Variants in CLPX observed in about 807,000 individuals in gnomAD.
CLPX encodes caseinolytic mitochondrial matrix peptidase chaperone subunit X.
Under a neutral mutation model 76.4 loss-of-function variants are expected in CLPX, and 34 were observed. The ratio of observed to expected loss-of-function variants is 0.45; its 90% CI spans 0.34 to 0.59. CLPX has a LOEUF of 0.59. CLPX is among the 20% of genes least tolerant of loss of function. CLPX has a pLI of 0.01. For missense variants in CLPX, 613 were observed against 757.0 expected, an observed-to-expected ratio of 0.81 and a Z score of 2.23; for synonymous variants, 248 against 270.9, an observed-to-expected ratio of 0.92 and a Z score of 0.83.
chr15:65,183,552 GAAGGAAGGA>G (rs943679667), intron 1 of CLPX, among the ~76,000 whole-genome samples: 2 of 150,452 alleles, frequency 1.3e-5, no homozygotes, highest in African/African-American at 2.5e-5. Context: ...AGAAAGACAG[GAAGGAAGGA>G]AAGGAAGGAA....
chr15:65,157,404 G>A (rs2087803749), intron 8 of CLPX, among the ~76,000 whole-genome samples: 1 of 152,176 alleles, frequency 6.6e-6, no homozygotes, highest in Non-Finnish European at 1.5e-5. Context: ...ACTGTTTCTA[G>A]AGTCATCTGG....
rs757598939 is a variant in CLPX, at chr15:65,155,097, T to A, written c.1312-16A>T. The A allele has an allele frequency of 6.2e-7, 1 of 1,601,830 alleles. No individual in the cohort carries two copies. The highest frequency in any genetic ancestry group is 1.1e-5 in the South Asian group (1 of 90,614). On this transcript the variant is annotated splice_polypyrimidine_tract_variant and intron_variant, in intron 10 of 13. Transcript: ENST00000300107. ...ATCCAAGATACTGCCAAAGAAATGA[T>A]GCATATTTATAATTAGTAGAATCAA...
intron 6 of CLPX, among the ~76,000 whole-genome samples, chr15:65,162,202 G>T (rs2087863286): frequency 6.6e-6 from 1 of 151,936 alleles, no homozygotes; most frequent in Admixed American, 6.6e-5. Flanking sequence ...GCAATCTGGG[G>T]CTGGAAACAG....
Position 65,149,067 on chromosome 15 carries a change from C to A in CLPX, c.*1756G>T, listed in dbSNP as rs1187882221. The A allele has an allele frequency of 6.6e-6, 1 of 152,076 alleles. No homozygotes were observed. Among genetic ancestry groups the A allele is most frequent in the Non-Finnish European group, 1.5e-5 (1 of 68,014 alleles). The allele number at this position is 152,076 out of a possible 1,614,324, so 9.4% of individuals were successfully genotyped here. A position where few individuals can be genotyped will look rare whatever the true frequency, so the allele number is the denominator to read the frequency against. On this transcript the variant is annotated 3_prime_UTR_variant, in exon 14 of 14. Coordinates refer to ENST00000300107, the MANE Select transcript of CLPX (RefSeq NM_006660.5). ...GACCAAAATGTTCAGCACCAAAAAACAAAACAAAAAAACTAGCTCAATACT... is the reference window on the plus strand; with the variant it reads ...GACCAAAATGTTCAGCACCAAAAAAAAAAACAAAAAAACTAGCTCAATACT...
At chr15:65,182,650 A>C (rs1407001973) in intron 1 of CLPX, among the ~76,000 whole-genome samples, 1 of 152,240 alleles carries the variant, frequency 6.6e-6, no homozygotes, top group Non-Finnish European at 1.5e-5. Flanking sequence ...GAGCTTAGTG[A>C]AAATAAAGTT....
chr15:65,162,419 A>T (rs2087865678), intron 6 of CLPX, among the ~76,000 whole-genome samples, 185 bp downstream of exon 6: 1 of 152,190 alleles, frequency 6.6e-6, no homozygotes, highest in Non-Finnish European at 1.5e-5. Context: ...GACACAAATT[A>T]GCTATGAAAA....
intron 12 of CLPX, 137 bp downstream of exon 12, chr15:65,153,410 C>G (rs138096652): frequency 3.3e-6 from 2 of 610,512 alleles, no homozygotes; most frequent in Non-Finnish European, 5.6e-6. Context: ...GAGCCAAGAT[C>G]GCACCACTGC....
chr15:65,164,063 T>C lies in CLPX; in HGVS notation c.639A>G (p.Ala213=), dbSNP rs746512874. 48 of 1,613,574 alleles carry C rather than the reference T, an allele frequency of 3.0e-5. No individual in the cohort carries two copies. The East Asian group carries it at 1.0e-3, about 35-fold the overall frequency. ...NNIPANLRQQ[A]EVEKQTSLTP... ...TTAATGATGTCTGCTTCTCAACCTC[T>C]GCTTGCTGTCTCAGATTAGCTGGGA... The change falls in exon 5 of 14, where the codon GCA becomes GCG. Residue 213 remains alanine, a synonymous_variant. Transcript: ENST00000300107.
At chr15:65,179,801 A>G (rs1193201793) in intron 2 of CLPX, among the ~76,000 whole-genome samples, 1 of 152,236 alleles carries the variant, frequency 6.6e-6, no homozygotes, top group Admixed American at 6.5e-5. Flanking sequence ...CTGTCATTTA[A>G]TGACACTTCT....
intron 9 of CLPX, 185 bp downstream of exon 9, chr15:65,156,659 T>C (rs965180802): frequency 2.3e-6 from 1 of 442,626 alleles, no homozygotes; most frequent in Non-Finnish European, 4.0e-6. Context: ...ACAAGGTAAT[T>C]TGTTATTTCA....
chr15:65,180,810 A>G (rs984797202), intron 1 of CLPX, among the ~76,000 whole-genome samples: 4 of 151,830 alleles, frequency 2.6e-5, no homozygotes, highest in Admixed American at 2.0e-4. Flanking sequence ...AGGCTGAGGC[A>G]GGAAAATCGC....
intron 3 of CLPX, among the ~76,000 whole-genome samples, chr15:65,176,481 CTT>C (rs1223059915): frequency 1.3e-5 from 2 of 152,062 alleles, no homozygotes; most frequent in Non-Finnish European, 2.9e-5. Flanking sequence ...GGAGAATACT[CTT>C]TGTTCTGGCA....
chr15:65,176,301 A>G (rs2088090925), intron 3 of CLPX, among the ~76,000 whole-genome samples: 1 of 152,238 alleles, frequency 6.6e-6, no homozygotes, highest in Non-Finnish European at 1.5e-5. Context: ...TTTTGGAAAG[A>G]ATGCATAGAA....
Position 65,185,237 on chromosome 15 carries a change from C to G in CLPX, c.-84G>C. ...GAATCCTGCCCGCAAGGCGCGCTGA[C>G]TCGGTTCCGAACCCTTTCGCGGGCC... is the stretch of plus-strand genomic sequence containing the variant. On this transcript the variant is annotated 5_prime_UTR_variant, in exon 1 of 14. Coordinates refer to ENST00000300107, the MANE Select transcript of CLPX (RefSeq NM_006660.5). 8.2e-7 allele frequency: 1 copy of G among 1,214,078 alleles called. No homozygotes were observed. The highest frequency in any genetic ancestry group is 2.5e-5 in the East Asian group (1 of 39,324). 75.2% of individuals were successfully genotyped at this position (1,214,078 alleles called of 1,614,324 possible).
rs2087766206 is a variant in CLPX, at chr15:65,154,829, G to A, written c.1564C>T (p.Arg522Ter). 6.2e-7 allele frequency: 1 copy of A among 1,613,926 alleles called. No individual in the cohort carries two copies. Among genetic ancestry groups the A allele is most frequent in the African/African-American group, 1.3e-5 (1 of 74,900 alleles). The change falls in exon 11 of 14, where the codon CGA becomes TGA. Residue 522 changes from arginine (R) to a stop codon, truncating the protein, a stop_gained. Transcript: ENST00000300107. LOFTEE classifies it high-confidence loss of function. ...KTLVQILTEP[R>*]NAVIPQYQAL... Reference sequence around the variant, plus strand: ...TGGTACTGAGGAATAACAGCATTTCGTGGCTCAGTTAATATTTGTACAAGT... The same window carrying A: ...TGGTACTGAGGAATAACAGCATTTCATGGCTCAGTTAATATTTGTACAAGT...
At chr15:65,158,010 G>C (rs1384832342) in intron 7 of CLPX, 100 bp from the exon 8 acceptor site, 1 of 967,332 alleles carries the variant, frequency 1.0e-6, no homozygotes, top group East Asian at 2.9e-5. Flanking sequence ...ATAATAAAAA[G>C]TTGTCAATTG....
At chr15:65,184,968 C>T in intron 1 of CLPX, 107 bp downstream of exon 1, 1 of 934,966 alleles carries the variant, frequency 1.1e-6, no homozygotes, top group East Asian at 2.7e-5. Context: ...TTCCCTCACA[C>T]TCCCCGGGTG....
intron 3 of CLPX, among the ~76,000 whole-genome samples, chr15:65,167,095 G>A (rs749642026): frequency 1.1e-4 from 16 of 152,012 alleles, no homozygotes; most frequent in Admixed American, 3.9e-4. Context: ...TTTGGGAGAC[G>A]GAGTCTCGCT....
chr15:65,184,344 T>C (rs2088223318), intron 1 of CLPX: 1 of 152,216 alleles, frequency 6.6e-6, no homozygotes, highest in African/African-American at 2.4e-5. Flanking sequence ...GTAAACAACA[T>C]GCGCCACTCT....
Sources: allele counts gnomAD v4.1 joint callset (sites outside exome capture counted in the v4.1 genomes callset), GRCh38; gene constraint gnomAD v4.1.1; transcripts MANE v1.5; gene names NCBI Gene and HGNC (gene_info 2026-07-23, HGNC 2026-07-21).